MREG: variants seen among roughly 807,000 people sequenced by gnomAD.
The protein encoded by MREG is dilute suppressor protein homolog.
In MREG, 31 loss-of-function variants were observed where a neutral mutation model predicts 28.5. The ratio of observed to expected loss-of-function variants is 1.09; its 90% CI spans 0.82 to 1.47. MREG has a LOEUF of 1.47. Among genes scored for constraint, MREG ranks in the 40% most tolerant of loss-of-function variants. The pLI is 0.00. For missense variants in MREG, 256 were observed against 257.4 expected, an observed-to-expected ratio of 0.99 and a Z score of 0.04; for synonymous variants, 106 against 95.2, an observed-to-expected ratio of 1.11 and a Z score of -0.66.
intron 1 of MREG, among the ~76,000 whole-genome samples, chr2:215,996,799 C>G (rs1693886914): frequency 6.6e-6 from 1 of 151,282 alleles, no homozygotes; most frequent in African/African-American, 2.4e-5. Flanking sequence ...GAGACAGAGT[C>G]TCGCTTCATC....
chr2:215,998,437 G>C (rs1693931435), intron 1 of MREG, among the ~76,000 whole-genome samples: 1 of 152,162 alleles, frequency 6.6e-6, no homozygotes, highest in Non-Finnish European at 1.5e-5. Flanking sequence ...CCAGCTACCT[G>C]AATCAGCATG....
chr2:215,939,475 C>T (rs1692170736), downstream of MREG: 1 of 152,142 alleles, frequency 6.6e-6, no homozygotes, highest in African/African-American at 2.4e-5. Flanking sequence ...TGTTCTCAGC[C>T]ACAAATATTG....
At chr2:215,991,647 C>G (rs1416706808) in intron 2 of MREG, among the ~76,000 whole-genome samples, 1 of 151,222 alleles carries the variant, frequency 6.6e-6, no homozygotes, top group Non-Finnish European at 1.5e-5. Flanking sequence ...AGATAGACAA[C>G]TAGCAAGACT....
chr2:216,033,321 C>T (rs1175621252), upstream of MREG, among the ~76,000 whole-genome samples: 2 of 152,126 alleles, frequency 1.3e-5, no homozygotes, highest in Non-Finnish European at 2.9e-5. Context: ...GCCATTATCA[C>T]GTTGAATAAA....
upstream of MREG, among the ~76,000 whole-genome samples, chr2:216,033,216 C>T (rs1694737103): frequency 6.6e-6 from 1 of 152,138 alleles, no homozygotes; most frequent in African/African-American, 2.4e-5. Context: ...TCTCATTTCA[C>T]CAACCCCCCT....
chr2:216,013,918 G>A (rs866288028), upstream of MREG, among the ~76,000 whole-genome samples: 1 of 151,440 alleles, frequency 6.6e-6, no homozygotes, highest in Non-Finnish European at 1.5e-5. Flanking sequence ...TCGGCGTAGG[G>A]TTTTTTTTTA....
chr2:215,985,431 A>G (rs1246121816), intron 2 of MREG, among the ~76,000 whole-genome samples: 3 of 152,218 alleles, frequency 2.0e-5, no homozygotes, highest in Non-Finnish European at 4.4e-5. Flanking sequence ...GAGGTTTGCA[A>G]ATGCATCATT....
intron 2 of MREG, among the ~76,000 whole-genome samples, chr2:215,960,719 A>G (rs2105979328): frequency 6.6e-6 from 1 of 152,210 alleles, no homozygotes; most frequent in Middle Eastern, 3.4e-3. Context: ...CTGTAGTCCC[A>G]CCTACTTGGG....
At chr2:215,983,953 T>A (rs1478203839) in intron 2 of MREG, among the ~76,000 whole-genome samples, 3 of 152,068 alleles carry the variant, frequency 2.0e-5, no homozygotes, top group Non-Finnish European at 4.4e-5. Flanking sequence ...CTTGAAAGAG[T>A]TTATGAGAAT....
chr2:215,943,892 A>G lies in MREG; in HGVS notation c.*971T>C, dbSNP rs186569003. Reference sequence around the variant, plus strand: ...AAAGGCTTTTGGAATAGAAATGGACAATATACAAAGATGAGAGAACCAGAT... The same window carrying G: ...AAAGGCTTTTGGAATAGAAATGGACGATATACAAAGATGAGAGAACCAGAT... On this transcript the variant is annotated 3_prime_UTR_variant, in exon 5 of 5. Transcript: ENST00000263268. Among the ~76,000 whole-genome samples the G allele has an allele frequency of 8.9e-4, 134 of 150,260 alleles. 2 individuals carry two copies. The East Asian group carries it at 0.02, about 23-fold the overall frequency.
chr2:216,031,595 AGAAG>A, intron 1 of MREG, among the ~76,000 whole-genome samples: 1 of 93,678 alleles, frequency 1.1e-5, no homozygotes. Context: ...AGGAAAGAAA[AGAAG>A]GAAAGAAGGA....
intron 2 of MREG, among the ~76,000 whole-genome samples, chr2:215,949,084 CTACTAATAA>C (rs1461833094): frequency 5.2e-4 from 60 of 115,422 alleles, no homozygotes; most frequent in Middle Eastern, 4.3e-3. Flanking sequence ...ACTACTACTA[CTACTAATAA>C]TAATAATAAT....
chr2:215,966,531 T>C (rs1470966294), intron 2 of MREG, among the ~76,000 whole-genome samples: 1 of 151,930 alleles, frequency 6.6e-6, no homozygotes, highest in Non-Finnish European at 1.5e-5. Flanking sequence ...GTTGTGCTTG[T>C]CAATGGCAAT....
At chr2:216,006,931 A>G (rs750741012) in intron 1 of MREG, among the ~76,000 whole-genome samples, 13 of 152,298 alleles carry the variant, frequency 8.5e-5, no homozygotes, top group Admixed American at 2.6e-4. Context: ...CTGGGCTATA[A>G]CAATTCAGGG....
rs999839634 is a variant in MREG, at chr2:215,984,204, A to C, written c.255+12102T>G. On this transcript the variant is annotated intron_variant, in intron 2 of 4. Transcript: ENST00000263268. ...TTTAAAAACCATCAGATCTCATGACACTTATTCACTATCAAGAGAACAGCA... is the reference window on the plus strand; with the variant it reads ...TTTAAAAACCATCAGATCTCATGACCCTTATTCACTATCAAGAGAACAGCA... Among the ~76,000 whole-genome samples, 5 of 152,296 alleles carry C rather than the reference A, an allele frequency of 3.3e-5. No homozygotes were observed. In the East Asian group the frequency reaches 9.6e-4, roughly 29 times the overall value.
chr2:215,973,172 GA>G (rs1693151070), intron 2 of MREG, among the ~76,000 whole-genome samples: 2 of 152,146 alleles, frequency 1.3e-5, no homozygotes, highest in Non-Finnish European at 2.9e-5. Flanking sequence ...CAGAGGGAAT[GA>G]CCTTGCATGC....
At chr2:215,949,888 T>A (rs1053980120) in intron 2 of MREG, among the ~76,000 whole-genome samples, 2 of 152,256 alleles carry the variant, frequency 1.3e-5, no homozygotes, top group African/African-American at 2.4e-5. Context: ...TTCCTCTTTC[T>A]TTCCTGTCTT....
chr2:216,010,647 G>A (rs1257772108), intron 1 of MREG, among the ~76,000 whole-genome samples: 1 of 151,176 alleles, frequency 6.6e-6, no homozygotes, highest in East Asian at 2.0e-4. Flanking sequence ...GTGAGCCACC[G>A]TGCCCGGCAG....
rs564899879 is a variant in MREG at position 215,943,155 on chromosome 2, A to C, written c.*1708T>G. 13 of 256,992 alleles carry C rather than the reference A, an allele frequency of 5.1e-5. No individual in the cohort carries two copies. The highest frequency in any genetic ancestry group is 9.1e-5 in the East Asian group (1 of 10,940). The allele number at this position is 256,992 out of a possible 1,614,324, so 15.9% of individuals were successfully genotyped here. On this transcript the variant is annotated 3_prime_UTR_variant, in exon 5 of 5. Transcript: ENST00000263268. ...AAGTTAGTTTTTAACCTGAATTCAGAAGTGCAAAATCTGTAAAAATAAAAA... is the reference window on the plus strand; with the variant it reads ...AAGTTAGTTTTTAACCTGAATTCAGCAGTGCAAAATCTGTAAAAATAAAAA...
Sources: allele counts gnomAD v4.1 joint callset (sites outside exome capture counted in the v4.1 genomes callset), GRCh38; gene constraint gnomAD v4.1.1; transcripts MANE v1.5; gene names NCBI Gene and HGNC (gene_info 2026-07-23, HGNC 2026-07-21).